The following SIAH3 variants were observed in gnomAD, a reference collection of about 807,000 sequenced individuals.
SIAH3 encodes seven in absentia homolog 3.
In SIAH3, 9 loss-of-function variants were observed where a neutral mutation model predicts 12.6. That is an observed-to-expected ratio of 0.72 (90% CI 0.43 to 1.25). The LOEUF (loss-of-function observed/expected upper bound fraction) is 1.25, where lower values mean the gene tolerates loss of function less well. SIAH3 is among the 50% of genes most tolerant of loss of function. The pLI is 0.00. For synonymous variants in SIAH3, 154 were observed against 151.1 expected (o/e 1.02, Z -0.14); for missense variants, 390 against 365.4 (o/e 1.07, Z -0.55).
chr13:45,846,084 C>CTTTTTTTTTTTTTTT (rs386379026), intron 1 of SIAH3, among the ~76,000 whole-genome samples: 2 of 85,704 alleles, frequency 2.3e-5, no homozygotes, highest in African/African-American at 5.1e-5. Flanking sequence ...GACCTAACTT[C>CTTTTTTTTTTTTTTT]TTTTTTTTTT....
chr13:45,827,573 T>A (rs987630959), intron 1 of SIAH3, among the ~76,000 whole-genome samples: 1 of 152,120 alleles, frequency 6.6e-6, no homozygotes, highest in African/African-American at 2.4e-5. Flanking sequence ...GTTGGGAAAG[T>A]TCCAAACAGC....
chr13:45,831,836 T>C (rs12876740), intron 1 of SIAH3, among the ~76,000 whole-genome samples: 20,204 of 152,244 alleles, frequency 0.13, 2,008 homozygotes, highest in Non-Finnish European at 0.2. Flanking sequence ...CAAAACCCTG[T>C]TTTCACAGCA....
intron 1 of SIAH3, among the ~76,000 whole-genome samples, chr13:45,784,590 A>T (rs1950520968): frequency 7.2e-6 from 1 of 139,074 alleles, no homozygotes; most frequent in Non-Finnish European, 1.7e-5. Context: ...CCTGCGTCCT[A>T]AGGCATCTGG....
chr13:45,801,629 A>T (rs1433128455), intron 1 of SIAH3, among the ~76,000 whole-genome samples: 1 of 152,222 alleles, frequency 6.6e-6, no homozygotes, highest in African/African-American at 2.4e-5. Flanking sequence ...CCTTTCACAC[A>T]GCTAGGGGTC....
At chr13:45,849,542 G>A (rs1051731792) in intron 1 of SIAH3, among the ~76,000 whole-genome samples, 1 of 152,150 alleles carries the variant, frequency 6.6e-6, no homozygotes, top group African/African-American at 2.4e-5. Flanking sequence ...ATGTTCATCA[G>A]CCCATTTAAA....
chr13:45,796,168 T>C (rs1430309325), intron 1 of SIAH3, among the ~76,000 whole-genome samples: 6 of 152,174 alleles, frequency 3.9e-5, no homozygotes, highest in Non-Finnish European at 2.9e-5. Flanking sequence ...ATTTTATATA[T>C]ATATATGTGT....
intron 1 of SIAH3, among the ~76,000 whole-genome samples, chr13:45,844,434 C>T (rs558620299): frequency 1.3e-5 from 2 of 152,302 alleles, no homozygotes; most frequent in South Asian, 4.1e-4. Flanking sequence ...CCCAAGCTCA[C>T]CAGCCTTTGG....
At chr13:45,829,284 A>G (rs1950690145) in intron 1 of SIAH3, among the ~76,000 whole-genome samples, 2 of 152,134 alleles carry the variant, frequency 1.3e-5, no homozygotes, top group Admixed American at 1.3e-4. Flanking sequence ...CCTACGCATG[A>G]CCCAGTAACC....
chr13:45,818,363 A>C (rs1857481563), intron 1 of SIAH3, among the ~76,000 whole-genome samples: 1 of 152,224 alleles, frequency 6.6e-6, no homozygotes, highest in Non-Finnish European at 1.5e-5. Context: ...TGCTATTTTC[A>C]TGCATCTAGT....
intron 1 of SIAH3, among the ~76,000 whole-genome samples, chr13:45,824,873 G>C (rs1950668225): frequency 1.5e-5 from 2 of 137,454 alleles, no homozygotes; most frequent in Non-Finnish European, 3.1e-5. Context: ...GCGAGACTCT[G>C]TCTCAAAAAA....
chr13:45,822,987 CT>C (rs1206322863), intron 1 of SIAH3, among the ~76,000 whole-genome samples: 2 of 152,102 alleles, frequency 1.3e-5, no homozygotes, highest in Non-Finnish European at 2.9e-5. Context: ...TTTAGGAGCT[CT>C]TTGAATCCCT....
chr13:45,784,163 T>C, intron 1 of SIAH3, 106 bp from the exon 2 acceptor site: 1 of 1,048,578 alleles, frequency 9.5e-7, no homozygotes, highest in Admixed American at 2.3e-5. Context: ...CAGTGCAGGC[T>C]GAGAAAGGTT....
chr13:45,784,760 A>G (rs946780510), intron 1 of SIAH3, among the ~76,000 whole-genome samples: 1 of 152,092 alleles, frequency 6.6e-6, no homozygotes, highest in African/African-American at 2.4e-5. Context: ...GGCAGCCTCC[A>G]CCTGGAGAAT....
At chr13:45,795,771 C>G (rs1950560464) in intron 1 of SIAH3, among the ~76,000 whole-genome samples, 1 of 152,146 alleles carries the variant, frequency 6.6e-6, no homozygotes, top group African/African-American at 2.4e-5. Flanking sequence ...ATCAGAAAAC[C>G]TGCACACGAA....
intron 1 of SIAH3, among the ~76,000 whole-genome samples, chr13:45,844,742 C>A: frequency 6.6e-6 from 1 of 152,186 alleles, no homozygotes; most frequent in East Asian, 1.9e-4. Context: ...CTTATGCATT[C>A]CTTACAACAC....
intron 1 of SIAH3, among the ~76,000 whole-genome samples, chr13:45,795,757 T>C (rs1950560404): frequency 6.6e-6 from 1 of 152,214 alleles, no homozygotes; most frequent in Non-Finnish European, 1.5e-5. Flanking sequence ...ATGAGCATTA[T>C]GTGATCAGAA....
intron 1 of SIAH3, 110 bp downstream of exon 1, chr13:45,851,385 C>T (rs1950781178): frequency 6.9e-7 from 1 of 1,451,538 alleles, no homozygotes; most frequent in Non-Finnish European, 9.5e-7. Flanking sequence ...TCCCAGCCCC[C>T]GAGACCCGGG....
In SIAH3 at chr13:45,823,339, T is replaced by G. The variant is rs949931605; in HGVS notation, c.135+28156A>C. The stretch of plus-strand genomic sequence containing the variant: ...GGCAATTCTAATACGTGGCCAGAGC[T>G]GAAAACTGCTGCTTCCGAATTTTTA... On this transcript the variant is annotated intron_variant, in intron 1 of 1. Transcript: ENST00000400405. 3.3e-5 allele frequency among the ~76,000 whole-genome samples: 5 copies of G among 152,200 alleles called. No individual in the cohort carries two copies. In the East Asian group the frequency reaches 7.7e-4, roughly 23 times the overall value.
intron 1 of SIAH3, 83 bp downstream of exon 1, chr13:45,851,412 C>T: frequency 6.3e-7 from 1 of 1,581,276 alleles, no homozygotes; most frequent in Non-Finnish European, 8.6e-7. Context: ...AAGGGCTGCA[C>T]ACGTTCGCCG....
Sources: allele counts gnomAD v4.1 joint callset (sites outside exome capture counted in the v4.1 genomes callset), GRCh38; gene constraint gnomAD v4.1.1; transcripts MANE v1.5; gene names NCBI Gene and HGNC (gene_info 2026-07-23, HGNC 2026-07-21).